Variants in PRDM16 observed in about 807,000 individuals in gnomAD.
PRDM16 encodes the protein histone-lysine N-methyltransferase PRDM16.
In PRDM16, 23 loss-of-function variants were observed where a neutral mutation model predicts 110.6. The observed-to-expected ratio is 0.21, with a 90% CI of 0.15 to 0.29. The LOEUF (loss-of-function observed/expected upper bound fraction) is 0.29. Ranked by LOEUF, PRDM16 falls within the 10% of genes least tolerant of loss-of-function variation. PRDM16 has a pLI of 1.00. For missense variants in PRDM16, 1,615 were observed against 1,794.3 expected (o/e 0.90, Z 1.81); for synonymous variants, 799 against 781.8 (o/e 1.02, Z -0.37).
intron 4 of PRDM16, among the ~76,000 whole-genome samples, chr1:3,392,905 G>C (rs1643321146): frequency 6.6e-6 from 1 of 152,208 alleles, no homozygotes; most frequent in Admixed American, 6.5e-5. Context: ...ATAAAAGGGG[G>C]AGAAAATAGG....
intron 1 of PRDM16, among the ~76,000 whole-genome samples, chr1:3,085,150 G>A (rs559435734): frequency 1.4e-4 from 22 of 152,324 alleles, no homozygotes; most frequent in African/African-American, 3.8e-4. Context: ...GACCTAGAAC[G>A]TTCGTGCAGG....
In PRDM16 at chr1:3,244,182, G is replaced by A. The variant is rs778378076; in HGVS notation, c.438+45G>A. The A allele has an allele frequency of 5.5e-5, 88 of 1,595,638 alleles. 1 individual carries two copies. Among genetic ancestry groups the A allele is most frequent in the African/African-American group, 5.4e-5 (4 of 74,566 alleles). ...GCCGTCTCAGCTCCCCAGCGTCCTC[G>A]GAGCTCCTGGCGGGGCGACCGCCAT... On this transcript the variant is annotated intron_variant, in intron 3 of 16. Coordinates refer to ENST00000270722, the MANE Select transcript of PRDM16 (RefSeq NM_022114.4). The surrounding 1 kb of genome is among the most constrained non-coding windows in gnomAD (Gnocchi z 4.1).
intron 1 of PRDM16, among the ~76,000 whole-genome samples, chr1:3,086,411 C>T (rs1386681052): frequency 2.6e-5 from 4 of 152,186 alleles, no homozygotes; most frequent in Non-Finnish European, 4.4e-5. Context: ...AAAGCTGCCA[C>T]GGGGCTGCTA....
intron 1 of PRDM16, among the ~76,000 whole-genome samples, chr1:3,179,568 TGG>T: frequency 6.6e-6 from 1 of 152,338 alleles, no homozygotes; most frequent in East Asian, 1.9e-4. Context: ...AAACCTGCTG[TGG>T]GGTGGCAGAT....
At chr1:3,163,590 T>G (rs1391534273) in intron 1 of PRDM16, among the ~76,000 whole-genome samples, 3 of 152,154 alleles carry the variant, frequency 2.0e-5, no homozygotes, top group African/African-American at 7.2e-5. Flanking sequence ...ATACTTCTCC[T>G]CCCACGGTCC....
At chr1:3,297,132 G>A (rs920828567) in intron 3 of PRDM16, among the ~76,000 whole-genome samples, 6 of 152,110 alleles carry the variant, frequency 3.9e-5, no homozygotes, top group African/African-American at 1.2e-4. Flanking sequence ...TAAGGGGAGC[G>A]GTCAGCCCTT....
chr1:3,235,785 G>A (rs1297169052), intron 2 of PRDM16, among the ~76,000 whole-genome samples: 1 of 152,200 alleles, frequency 6.6e-6, no homozygotes, highest in Non-Finnish European at 1.5e-5. Flanking sequence ...AGCCTGCCCT[G>A]CTCCAGGGAA....
chr1:3,159,125 G>A (rs150376338), intron 1 of PRDM16, among the ~76,000 whole-genome samples: 217 of 152,332 alleles, frequency 1.4e-3, no homozygotes, highest in Non-Finnish European at 2.3e-3. Context: ...TTCCGCCAGG[G>A]ACAGCCTTGA....
At chr1:3,414,036 C>A (rs1406118424) in intron 9 of PRDM16, among the ~76,000 whole-genome samples, 1 of 152,186 alleles carries the variant, frequency 6.6e-6, no homozygotes, top group African/African-American at 2.4e-5. Flanking sequence ...GCAGCACACC[C>A]CGTGCCAGGG....
intron 3 of PRDM16, among the ~76,000 whole-genome samples, chr1:3,300,225 C>A (rs192015558): frequency 2.3e-5 from 2 of 87,326 alleles, no homozygotes; most frequent in Admixed American, 1.6e-4. Context: ...GTGATGTTTC[C>A]GATCCCAGTC....
chr1:3,267,090 G>A (rs769659086), intron 3 of PRDM16, among the ~76,000 whole-genome samples: 26 of 152,166 alleles, frequency 1.7e-4, no homozygotes, highest in South Asian at 4.2e-4. Context: ...TAGTACATTC[G>A]GTATTTTGCA....
At chr1:3,314,106 T>G (rs1320155609) in intron 3 of PRDM16, among the ~76,000 whole-genome samples, 1 of 137,424 alleles carries the variant, frequency 7.3e-6, no homozygotes, top group Non-Finnish European at 1.5e-5. Flanking sequence ...TGGACCCAAG[T>G]CACTGTCCCT....
In PRDM16 at chr1:3,190,195, C is replaced by T. The variant is rs1366020213; in HGVS notation, c.387+3721C>T. Among the ~76,000 whole-genome samples, 1 of 150,326 alleles carries T rather than the reference C, an allele frequency of 6.7e-6. No individual in the cohort carries two copies. The highest frequency in any genetic ancestry group is 1.5e-5 in the Non-Finnish European group (1 of 67,894). The stretch of plus-strand genomic sequence containing the variant: ...GCAGCCTTACTTCAAGGTCGTGGGG[C>T]AGCGTTACTTCAAGGTCGTGGGGCA... On this transcript the variant is annotated intron_variant, in intron 2 of 16. Coordinates refer to ENST00000270722, the MANE Select transcript of PRDM16 (RefSeq NM_022114.4). This position sits in a 1 kb window ranked among gnomAD's most constrained non-coding sequence, Gnocchi z 5.0.
rs1420104216 is a variant in PRDM16 at position 3,437,254 on chromosome 1, AC to A, written c.*3445del. The A allele has an allele frequency of 4.3e-5, 10 of 232,180 alleles. No individual in the cohort carries two copies. The highest frequency in any genetic ancestry group is 2.2e-4 in the African/African-American group (10 of 45,080). The allele number at this position is 232,180 out of a possible 1,614,324, so 14.4% of individuals were successfully genotyped here. On this transcript the variant is annotated 3_prime_UTR_variant, in exon 17 of 17. Transcript: ENST00000270722. ...CCCATCCAGACCCCGACTGGCCAAG[AC>A]CTCCACGTCCCCAGAGTCCAGCCCT...
rs897864229 is a variant in PRDM16, at chr1:3,120,983, G to A, written c.37+51687G>A. Among the ~76,000 whole-genome samples, 4 of 152,264 alleles carry A rather than the reference G, an allele frequency of 2.6e-5. No homozygotes were observed. The South Asian group carries it at 8.3e-4, about 31-fold the overall frequency. ...CATGTTTGGGTTTGGATTGGAAACA[G>A]GATATGATTGACTTGTGAGCATGTT... On this transcript the variant is annotated intron_variant, in intron 1 of 16. Transcript: ENST00000270722.
At chr1:3,135,481 A>T (rs1340577890) in intron 1 of PRDM16, among the ~76,000 whole-genome samples, 2 of 152,216 alleles carry the variant, frequency 1.3e-5, no homozygotes. Flanking sequence ...TCAACGTGCC[A>T]GGAGCTCTTA....
At chr1:3,419,338 C>T (rs887647983) in intron 12 of PRDM16, among the ~76,000 whole-genome samples, 3 of 152,196 alleles carry the variant, frequency 2.0e-5, no homozygotes, top group East Asian at 1.9e-4. Context: ...TCTGAGGAGC[C>T]GGCTGGCACC....
At chr1:3,225,459 G>A (rs1557541432) in intron 2 of PRDM16, among the ~76,000 whole-genome samples, 1 of 152,078 alleles carries the variant, frequency 6.6e-6, no homozygotes, top group South Asian at 2.1e-4. Flanking sequence ...AGCCAGCACG[G>A]CGCGTGGACA....
At chr1:3,136,342 C>G (rs982483344) in intron 1 of PRDM16, among the ~76,000 whole-genome samples, 9 of 152,220 alleles carry the variant, frequency 5.9e-5, no homozygotes, top group South Asian at 2.1e-4. Context: ...CCGGGGACCT[C>G]TGGTGTCGTC....
Sources: allele counts gnomAD v4.1 joint callset (sites outside exome capture counted in the v4.1 genomes callset), GRCh38; gene constraint gnomAD v4.1.1; non-coding constraint Gnocchi (gnomAD v3.1); transcripts MANE v1.5; gene names NCBI Gene and HGNC (gene_info 2026-07-23, HGNC 2026-07-21).